Variants in GLIS3 observed in about 807,000 individuals in gnomAD.
GLIS3 encodes GLIS family zinc finger 3, also known as zinc finger protein GLIS3.
In GLIS3, 53 loss-of-function variants were observed where a neutral mutation model predicts 78.6. The ratio of observed to expected loss-of-function variants is 0.67; its 90% CI spans 0.54 to 0.85. The LOEUF (loss-of-function observed/expected upper bound fraction) is 0.85, where lower values mean the gene tolerates loss of function less well. Ranked by LOEUF, GLIS3 falls within the 40% of genes least tolerant of loss-of-function variation. The probability of loss-of-function intolerance (pLI) is 0.00; values close to 1 mark genes in which losing one functional copy is unlikely to be tolerated. For missense variants in GLIS3, 1,703 were observed against 1,231.1 expected (o/e 1.38, Z -5.74); for synonymous variants, 684 against 509.9 (o/e 1.34, Z -4.60).
At chr9:4,373,874 G>C in the GLIS3 span, among the ~76,000 whole-genome samples, 1 of 152,004 alleles carries the variant, frequency 6.6e-6, no homozygotes, top group South Asian at 2.1e-4. Flanking sequence ...TACCATGTTG[G>C]CTAGGCTGGT....
At chr9:3,832,125 ATAG>A (rs1818079418) in intron 9 of GLIS3, among the ~76,000 whole-genome samples, 1 of 151,526 alleles carries the variant, frequency 6.6e-6, no homozygotes, top group South Asian at 2.1e-4. Context: ...CAGGTTAATA[ATAG>A]TAATTACATC....
At chr9:4,126,729 A>C (rs1427380348) in intron 2 of GLIS3, among the ~76,000 whole-genome samples, 1 of 152,218 alleles carries the variant, frequency 6.6e-6, no homozygotes, top group African/African-American at 2.4e-5. Context: ...AAAAAATCAT[A>C]ATGAGCTGAA....
the GLIS3 span, among the ~76,000 whole-genome samples, chr9:4,367,043 A>G: frequency 6.6e-6 from 1 of 152,356 alleles, no homozygotes; most frequent in Admixed American, 6.5e-5. Context: ...TTTGAATAGC[A>G]GCCTTTATCT....
chr9:4,150,085 G>C (rs775305145), intron 2 of GLIS3, among the ~76,000 whole-genome samples: 10 of 152,144 alleles, frequency 6.6e-5, no homozygotes, highest in Non-Finnish European at 1.0e-4. Context: ...TAATTTCACA[G>C]TGAATCTGGT....
At chr9:3,983,293 T>A (rs1819454941) in intron 4 of GLIS3, among the ~76,000 whole-genome samples, 1 of 152,036 alleles carries the variant, frequency 6.6e-6, no homozygotes, top group Non-Finnish European at 1.5e-5. Flanking sequence ...GATTGTGAGG[T>A]CTCCCCAGCC....
At chr9:4,223,459 T>C (rs777113694) in intron 2 of GLIS3, among the ~76,000 whole-genome samples, 1 of 152,100 alleles carries the variant, frequency 6.6e-6, no homozygotes, top group Non-Finnish European at 1.5e-5. Context: ...CAGAGCCAAG[T>C]TTCTCTAATA....
chr9:3,899,818 A>G (rs547601652), intron 6 of GLIS3, among the ~76,000 whole-genome samples: 4 of 152,338 alleles, frequency 2.6e-5, no homozygotes, highest in African/African-American at 7.2e-5. Context: ...TAGACTCTAG[A>G]TGGGGAAGCA....
At chr9:4,416,745 A>G in the GLIS3 span, among the ~76,000 whole-genome samples, 1 of 150,296 alleles carries the variant, frequency 6.7e-6, no homozygotes, top group Non-Finnish European at 1.5e-5. Context: ...ACTCGCCTCC[A>G]CTAAGTTCCT....
chr9:3,840,946 T>A (rs1818677313), intron 9 of GLIS3, among the ~76,000 whole-genome samples: 1 of 152,112 alleles, frequency 6.6e-6, no homozygotes, highest in South Asian at 2.1e-4. Flanking sequence ...TATATACTCA[T>A]TTCCAGGGAC....
chr9:3,932,394 G>A lies in GLIS3; in HGVS notation c.1949C>T (p.Ala650Val). The part of the protein sequence containing the change: ...DPSSLRKHVK[A>V]HSSKEQQARK... ...TGCTTGTTGCTCTTTGGAAGAATGT[G>A]CCTTCACATGCTTTCTTAGGGAACT... Residue 650 changes from alanine to valine, a missense_variant, in exon 6 of 11, where the codon GCA (alanine) becomes GTA (valine). Physicochemically the swap from Ala to Val is moderately conservative, Grantham distance 64. Transcript: ENST00000381971. The A allele has an allele frequency of 6.2e-7, 1 of 1,613,664 alleles. No homozygotes were observed. Among genetic ancestry groups the A allele is most frequent in the Non-Finnish European group, 8.5e-7 (1 of 1,179,698 alleles).
intron 2 of GLIS3, among the ~76,000 whole-genome samples, chr9:4,233,125 T>A (rs1822419070): frequency 6.6e-6 from 1 of 152,234 alleles, no homozygotes; most frequent in South Asian, 2.1e-4. Flanking sequence ...ATCTTTGACA[T>A]CTTTTCCAAA....
chr9:4,413,873 G>C, the GLIS3 span, among the ~76,000 whole-genome samples: 1 of 152,092 alleles, frequency 6.6e-6, no homozygotes, highest in Non-Finnish European at 1.5e-5. Flanking sequence ...CTTGGATTTT[G>C]CTAAATGAGG....
intron 4 of GLIS3, among the ~76,000 whole-genome samples, chr9:3,978,885 TACA>T (rs1468627237): frequency 4.6e-5 from 7 of 152,260 alleles, no homozygotes; most frequent in Non-Finnish European, 7.4e-5. Flanking sequence ...TTTTTAAAAA[TACA>T]ACGATAAAAA....
At position 3,898,632 on chromosome 9, in the gene GLIS3, C is replaced by G. The variant is rs765749277; in HGVS notation, c.2128+59G>C. 5.6e-6 allele frequency: 9 copies of G among 1,602,466 alleles called. No individual in the cohort carries two copies. The East Asian group carries it at 2.0e-4, about 36-fold the overall frequency. On this transcript the variant is annotated intron_variant, in intron 7 of 10. Coordinates refer to ENST00000381971, the MANE Select transcript of GLIS3 (RefSeq NM_001042413.2). Reference sequence around the variant, plus strand: ...TTTCTCACGTGAGCATTCCTTTTAACCAGAGTAAAAGGCCTAAAAAAGGGT... The same window carrying G: ...TTTCTCACGTGAGCATTCCTTTTAAGCAGAGTAAAAGGCCTAAAAAAGGGT...
chr9:4,427,557 A>C, the GLIS3 span, among the ~76,000 whole-genome samples: 1 of 152,182 alleles, frequency 6.6e-6, no homozygotes, highest in Non-Finnish European at 1.5e-5. Context: ...ATGCATACTT[A>C]CGTCAAATGG....
chr9:4,232,075 T>C (rs1822301074), intron 2 of GLIS3, among the ~76,000 whole-genome samples: 1 of 152,116 alleles, frequency 6.6e-6, no homozygotes, highest in East Asian at 1.9e-4. Flanking sequence ...AAAAAAATAT[T>C]TTTAAAAATG....
At chr9:3,888,643 A>G (rs1002214511) in intron 7 of GLIS3, among the ~76,000 whole-genome samples, 3 of 152,174 alleles carry the variant, frequency 2.0e-5, no homozygotes, top group African/African-American at 4.8e-5. Context: ...TGCATCGACA[A>G]TGAAGCTGGT....
At chr9:3,909,457 G>A (rs1336795900) in intron 6 of GLIS3, among the ~76,000 whole-genome samples, 1 of 152,140 alleles carries the variant, frequency 6.6e-6, no homozygotes, top group Non-Finnish European at 1.5e-5. Context: ...AGAAATGAGA[G>A]TAAAGACTTA....
intron 6 of GLIS3, among the ~76,000 whole-genome samples, chr9:3,928,929 A>G (rs67030498): frequency 0.044 from 6,632 of 152,340 alleles, 181 homozygotes; most frequent in Non-Finnish European, 0.061. Flanking sequence ...TTTCGATATC[A>G]GTCTAGAATT....
Sources: allele counts gnomAD v4.1 joint callset (sites outside exome capture counted in the v4.1 genomes callset), GRCh38; gene constraint gnomAD v4.1.1; transcripts MANE v1.5; gene names NCBI Gene and HGNC (gene_info 2026-07-23, HGNC 2026-07-21).